The following MYZAP variants were observed in gnomAD, a reference collection of about 807,000 sequenced individuals.
MYZAP encodes GRINL1A complex locus upstream.
Under a neutral mutation model 69.4 loss-of-function variants are expected in MYZAP, and 66 were observed. The observed-to-expected ratio is 0.95, with a 90% CI of 0.78 to 1.17. The LOEUF (loss-of-function observed/expected upper bound fraction) is 1.17. MYZAP is among the 50% of genes most tolerant of loss of function. The pLI, the probability that MYZAP is intolerant of heterozygous loss-of-function variation, is 0.00. For synonymous variants in MYZAP, 256 were observed against 205.9 expected (o/e 1.24, Z -2.09); for missense variants, 611 against 556.2 (o/e 1.10, Z -0.99).
At chr15:57,648,501 T>A in intron 10 of MYZAP, 1 of 983,936 alleles carries the variant, frequency 1.0e-6, no homozygotes, top group Non-Finnish European at 1.2e-6. Context: ...CATTCCCATG[T>A]CAATCATCTC....
intron 2 of MYZAP, among the ~76,000 whole-genome samples, chr15:57,611,970 G>C (rs940688776): frequency 1.3e-5 from 2 of 152,180 alleles, no homozygotes; most frequent in African/African-American, 4.8e-5. Flanking sequence ...CTGTGGAAAG[G>C]CCCTTTGGGC....
chr15:57,611,979 G>A (rs1398374993), intron 2 of MYZAP, among the ~76,000 whole-genome samples: 3 of 152,166 alleles, frequency 2.0e-5, no homozygotes, highest in Non-Finnish European at 2.9e-5. Context: ...GGCCCTTTGG[G>A]CTCAGAGGTA....
intron 3 of MYZAP, among the ~76,000 whole-genome samples, chr15:57,619,843 G>A (rs2035701974): frequency 6.6e-6 from 1 of 152,112 alleles, no homozygotes; most frequent in East Asian, 1.9e-4. Flanking sequence ...CATTGCCCAA[G>A]ACAAAGGCAG....
intron 1 of MYZAP, among the ~76,000 whole-genome samples, chr15:57,598,668 T>C (rs2034220598): frequency 6.6e-6 from 1 of 152,260 alleles, no homozygotes; most frequent in South Asian, 2.1e-4. Context: ...TGACTCCTCA[T>C]TGTCTTCTGA....
chr15:57,672,041 A>T (rs755087838), intron 11 of MYZAP, among the ~76,000 whole-genome samples: 1 of 152,226 alleles, frequency 6.6e-6, no homozygotes, highest in Non-Finnish European at 1.5e-5. Flanking sequence ...TGTGATGCTG[A>T]TGGCAGATCT....
chr15:57,663,819 G>T (rs1265981630), intron 11 of MYZAP, among the ~76,000 whole-genome samples: 1 of 151,176 alleles, frequency 6.6e-6, no homozygotes, highest in African/African-American at 2.4e-5. Flanking sequence ...TTGAAAACCA[G>T]TTTTTTTTTG....
At chr15:57,604,970 C>T (rs1390898253) in intron 2 of MYZAP, among the ~76,000 whole-genome samples, 1 of 152,020 alleles carries the variant, frequency 6.6e-6, no homozygotes, top group African/African-American at 2.4e-5. Flanking sequence ...AAGATCCAGC[C>T]CTATATGACG....
intron 10 of MYZAP, among the ~76,000 whole-genome samples, chr15:57,643,943 TTTGCTATAATTGAGA>T (rs1489535331): frequency 6.6e-6 from 1 of 152,208 alleles, no homozygotes; most frequent in Non-Finnish European, 1.5e-5. Flanking sequence ...TCTACCCCAC[TTTGCTATAATTGAGA>T]TGTTTAATAA....
At position 57,684,725 on chromosome 15, in the gene MYZAP, C is replaced by T; in HGVS notation, c.*227C>T. 1 of 402,758 alleles carries T rather than the reference C, an allele frequency of 2.5e-6. No individual in the cohort carries two copies. Among genetic ancestry groups the T allele is most frequent in the Admixed American group, 4.2e-5 (1 of 23,574 alleles). 24.9% of individuals were successfully genotyped at this position (402,758 alleles called of 1,614,324 possible). A position where few individuals can be genotyped will look rare whatever the true frequency, so the allele number is the denominator to read the frequency against. On this transcript the variant is annotated 3_prime_UTR_variant, in exon 13 of 13. Coordinates refer to ENST00000267853, the MANE Select transcript of MYZAP (RefSeq NM_001018100.5). ...ATTTCAGACACCCACTCGGCATACC[C>T]TGCCGTACTGCATCATCATTTGTTT...
intron 11 of MYZAP, among the ~76,000 whole-genome samples, chr15:57,670,579 T>C (rs546505755): frequency 9.9e-5 from 15 of 152,218 alleles, no homozygotes; most frequent in Admixed American, 9.8e-4. Flanking sequence ...TTACTAATAT[T>C]TAATTATATT....
chr15:57,613,359 A>T (rs1283006833), intron 2 of MYZAP, among the ~76,000 whole-genome samples: 1 of 151,698 alleles, frequency 6.6e-6, no homozygotes, highest in Non-Finnish European at 1.5e-5. Context: ...TTTGATTTTT[A>T]ATTTAAATTT....
chr15:57,654,508 A>G (rs1466676623), intron 10 of MYZAP, among the ~76,000 whole-genome samples: 1 of 152,158 alleles, frequency 6.6e-6, no homozygotes, highest in African/African-American at 2.4e-5. Flanking sequence ...GGTGAAAGAA[A>G]ATACCCCAAA....
intron 1 of MYZAP, among the ~76,000 whole-genome samples, chr15:57,602,932 G>A (rs986351257): frequency 6.6e-5 from 10 of 152,126 alleles, no homozygotes; most frequent in African/African-American, 1.7e-4. Context: ...ACAGATTATA[G>A]TAGTCCATTT....
chr15:57,599,478 G>A (rs2034275419), intron 1 of MYZAP: 2 of 1,187,598 alleles, frequency 1.7e-6, no homozygotes, highest in Non-Finnish European at 2.1e-6. Context: ...CTCCTGGAAG[G>A]AACCCTTGCC....
At chr15:57,674,461 T>G (rs1410989570) in intron 11 of MYZAP, among the ~76,000 whole-genome samples, 1 of 152,228 alleles carries the variant, frequency 6.6e-6, no homozygotes, top group East Asian at 1.9e-4. Context: ...TTCCCACTGT[T>G]AAATTAAATT....
intron 10 of MYZAP, chr15:57,647,316 G>T: frequency 1.0e-6 from 1 of 985,350 alleles, no homozygotes. Flanking sequence ...TACGATGCTG[G>T]GTATTCAGAC....
intron 10 of MYZAP, chr15:57,646,236 C>T (rs769130328): frequency 1.5e-5 from 19 of 1,288,678 alleles, no homozygotes; most frequent in Middle Eastern, 2.1e-4. Flanking sequence ...CTTTATTGTT[C>T]GTGATTAGAA....
Position 57,639,451 on chromosome 15 carries a change from T to A in MYZAP, c.1025T>A (p.Leu342Ter). The change falls in exon 10 of 13, where the codon TTG (leucine) becomes TAG (stop). Residue 342 changes from leucine (L) to a stop codon, truncating the protein, a stop_gained. Transcript: ENST00000267853. LOFTEE classifies it high-confidence loss of function. ...CCTATTTGTGTTAGGTATCAGCAGTTGGAGGAGGCATCAGCCAGCCTCCGT... is the reference window on the plus strand; with the variant it reads ...CCTATTTGTGTTAGGTATCAGCAGTAGGAGGAGGCATCAGCCAGCCTCCGT... ...TDSDKERYQQ[L>*]EEASASLRER... is the part of the protein sequence containing the mutation. 6.2e-7 allele frequency: 1 copy of A among 1,614,078 alleles called. No homozygotes were observed. Among genetic ancestry groups the A allele is most frequent in the Non-Finnish European group, 8.5e-7 (1 of 1,179,978 alleles).
At chr15:57,661,056 A>AT (rs1485403271) in intron 10 of MYZAP, among the ~76,000 whole-genome samples, 4 of 152,192 alleles carry the variant, frequency 2.6e-5, no homozygotes, top group Non-Finnish European at 5.9e-5. Flanking sequence ...CCGAATAATC[A>AT]TTTTTTGGAG....
Sources: allele counts gnomAD v4.1 joint callset (sites outside exome capture counted in the v4.1 genomes callset), GRCh38; gene constraint gnomAD v4.1.1; transcripts MANE v1.5; gene names NCBI Gene and HGNC (gene_info 2026-07-23, HGNC 2026-07-21).